Variants in TMEM232 observed in about 807,000 individuals in gnomAD.
TMEM232 encodes transmembrane protein 232.
TMEM232 carries 80 observed loss-of-function variants against 78.8 expected under a neutral mutation model. That is an observed-to-expected ratio of 1.01 (90% CI 0.85 to 1.22). TMEM232 has a LOEUF of 1.22. Ranked by LOEUF, TMEM232 falls within the 50% of genes most tolerant of loss-of-function variation. The probability of loss-of-function intolerance (pLI) is 0.00; values close to 1 mark genes in which losing one functional copy is unlikely to be tolerated. For synonymous variants in TMEM232, 297 were observed against 254.3 expected (o/e 1.17, Z -1.60); for missense variants, 881 against 742.2 (o/e 1.19, Z -2.17).
intron 2 of TMEM232, among the ~76,000 whole-genome samples, chr5:110,406,265 T>TACACACACACACACACACAC (rs70999966): frequency 7.0e-6 from 1 of 143,584 alleles, no homozygotes; most frequent in Non-Finnish European, 1.5e-5. Context: ...CAGATATATA[T>TACACACACACACACACACAC]ACACACACAC....
intron 1 of TMEM232, among the ~76,000 whole-genome samples, chr5:110,668,100 T>C (rs548605919): frequency 6.6e-6 from 1 of 152,236 alleles, no homozygotes; most frequent in Non-Finnish European, 1.5e-5. Flanking sequence ...AAATTGATCA[T>C]TAGATTAGTC....
intron 11 of TMEM232, among the ~76,000 whole-genome samples, chr5:110,561,152 T>C (rs1260980529): frequency 6.6e-6 from 1 of 152,114 alleles, no homozygotes; most frequent in Non-Finnish European, 1.5e-5. Context: ...TTTGCTTTTG[T>C]AGATTTTCTT....
intron 2 of TMEM232, among the ~76,000 whole-genome samples, chr5:110,645,418 A>G (rs1014097430): frequency 5.9e-5 from 9 of 151,442 alleles, no homozygotes; most frequent in Non-Finnish European, 8.9e-5. Context: ...AGGATGGTTC[A>G]ACATACAAAA....
chr5:110,455,579 C>T (rs536310542), intron 12 of TMEM232, among the ~76,000 whole-genome samples: 1 of 151,948 alleles, frequency 6.6e-6, no homozygotes, highest in Non-Finnish European at 1.5e-5. Context: ...AGGGTTTCAC[C>T]GTGTTAGCCA....
chr5:110,733,290 C>G (rs984862855), intron 2 of TMEM232, among the ~76,000 whole-genome samples: 2 of 152,104 alleles, frequency 1.3e-5, no homozygotes, highest in African/African-American at 4.8e-5. Flanking sequence ...TGCGTTGGTT[C>G]CTCAAAGAGC....
At chr5:110,652,892 G>A (rs1258753373) in intron 2 of TMEM232, among the ~76,000 whole-genome samples, 2 of 152,126 alleles carry the variant, frequency 1.3e-5, no homozygotes, top group African/African-American at 2.4e-5. Flanking sequence ...GGAACACACA[G>A]TAAATAAAGA....
At chr5:110,550,778 A>G (rs1024993780) in intron 11 of TMEM232, among the ~76,000 whole-genome samples, 3 of 151,912 alleles carry the variant, frequency 2.0e-5, no homozygotes, top group African/African-American at 7.2e-5. Flanking sequence ...ATAGCTCTCT[A>G]GATTCAATGA....
At chr5:110,633,286 T>C (rs984194835) in intron 5 of TMEM232, among the ~76,000 whole-genome samples, 1 of 151,840 alleles carries the variant, frequency 6.6e-6, no homozygotes, top group African/African-American at 2.4e-5. Flanking sequence ...CATGAAAACA[T>C]ACGAAAGTAT....
chr5:110,694,337 C>G (rs1254087362), intron 1 of TMEM232, among the ~76,000 whole-genome samples: 1 of 152,196 alleles, frequency 6.6e-6, no homozygotes, highest in Non-Finnish European at 1.5e-5. Context: ...CCAGTACCAG[C>G]CACTGCAAAA....
At chr5:110,463,485 ATC>A (rs1385973603) in intron 12 of TMEM232, among the ~76,000 whole-genome samples, 1 of 152,224 alleles carries the variant, frequency 6.6e-6, no homozygotes, top group African/African-American at 2.4e-5. Flanking sequence ...AACTTGCAAT[ATC>A]TCTGAGTTAT....
chr5:110,654,067 A>G (rs1411263872), intron 2 of TMEM232, among the ~76,000 whole-genome samples: 1 of 152,198 alleles, frequency 6.6e-6, no homozygotes, highest in Non-Finnish European at 1.5e-5. Flanking sequence ...AAGTACTACA[A>G]TGGAATTGAG....
chr5:110,524,375 G>GAAAA, intron 12 of TMEM232, among the ~76,000 whole-genome samples: 2 of 54,184 alleles, frequency 3.7e-5, no homozygotes, highest in Admixed American at 2.0e-4. Flanking sequence ...AAGAAAGAAA[G>GAAAA]AAAGAAAGAA....
Position 110,566,230 on chromosome 5 carries a change from C to G in TMEM232, c.1455+2217G>C, listed in dbSNP as rs1411230014. On this transcript the variant is annotated intron_variant, in intron 11 of 13. Coordinates refer to ENST00000455884, the MANE Select transcript of TMEM232 (RefSeq NM_001039763.4). ...TAAACTTTTTCTTATTTTTTACAAA[C>G]ATTTAAAAAATTATTCCCAGAGCTC... Among the ~76,000 whole-genome samples, 7 of 151,796 alleles carry G rather than the reference C, an allele frequency of 4.6e-5. No homozygotes were observed. The East Asian group carries it at 1.4e-3, about 29-fold the overall frequency.
intron 2 of TMEM232, among the ~76,000 whole-genome samples, chr5:110,401,304 A>C (rs1164903346): frequency 4.2e-5 from 6 of 143,502 alleles, no homozygotes; most frequent in Non-Finnish European, 7.4e-5. Context: ...TGGAGCACTT[A>C]AGATCTGAAA....
intron 10 of TMEM232, 60 bp from the exon 11 acceptor site, chr5:110,568,685 T>C (rs1776603808): frequency 5.5e-6 from 8 of 1,464,112 alleles, no homozygotes; most frequent in African/African-American, 2.9e-5. Flanking sequence ...TAAAGTATGA[T>C]TGTGTGAAAC....
chr5:110,427,997 A>G (rs1757426839), intron 12 of TMEM232, among the ~76,000 whole-genome samples: 1 of 151,870 alleles, frequency 6.6e-6, no homozygotes, highest in Non-Finnish European at 1.5e-5. Flanking sequence ...AAACAATCCA[A>G]TTATACTTTT....
chr5:110,549,039 CAG>C (rs1156636032), intron 11 of TMEM232, among the ~76,000 whole-genome samples: 2 of 151,650 alleles, frequency 1.3e-5, no homozygotes, highest in Non-Finnish European at 2.9e-5. Context: ...ATAGAGATAA[CAG>C]AAATTAGAAA....
At chr5:110,421,550 T>C (rs778021041) in intron 13 of TMEM232, among the ~76,000 whole-genome samples, 2 of 151,790 alleles carry the variant, frequency 1.3e-5, no homozygotes, top group African/African-American at 2.4e-5. Context: ...TAGTATGCAA[T>C]ATTGGACATT....
intron 12 of TMEM232, among the ~76,000 whole-genome samples, chr5:110,472,472 A>C (rs977840750): frequency 2.0e-5 from 3 of 151,988 alleles, no homozygotes; most frequent in African/African-American, 4.8e-5. Flanking sequence ...CATACTCCCA[A>C]AATTATTCTG....
Sources: allele counts gnomAD v4.1 joint callset (sites outside exome capture counted in the v4.1 genomes callset), GRCh38; gene constraint gnomAD v4.1.1; transcripts MANE v1.5; gene names NCBI Gene and HGNC (gene_info 2026-07-23, HGNC 2026-07-21).